Variants in RAB11FIP5 observed in about 807,000 individuals in gnomAD.
The protein encoded by RAB11FIP5 is rab11 family-interacting protein 5.
Under a neutral mutation model 85.1 loss-of-function variants are expected in RAB11FIP5, and 48 were observed. That is an observed-to-expected ratio of 0.56 (90% confidence interval 0.45 to 0.72). The LOEUF is 0.72. Among genes scored for constraint, RAB11FIP5 ranks in the 30% least tolerant of loss-of-function variants. The probability of loss-of-function intolerance (pLI) is 0.00; values close to 1 mark genes in which losing one functional copy is unlikely to be tolerated. For missense variants in RAB11FIP5, 1,491 were observed against 1,687.0 expected (o/e 0.88, Z 2.04); for synonymous variants, 729 against 727.3 (o/e 1.00, Z -0.04).
chr2:73,112,166 G>C (rs901183172), intron 1 of RAB11FIP5, among the ~76,000 whole-genome samples, 181 bp downstream of exon 1: 1 of 152,174 alleles, frequency 6.6e-6, no homozygotes, highest in Non-Finnish European at 1.5e-5. Context: ...CCCACACAGC[G>C]CACGTTTGGG....
In RAB11FIP5 at chr2:73,112,515, G is replaced by C; in HGVS notation, c.263C>G (p.Ala88Gly). The change falls in exon 1 of 6, where the codon GCG becomes GGG. Residue 88 changes from alanine (A) to glycine (G), a missense_variant. Physicochemically the swap from Ala to Gly is moderately conservative, Grantham distance 60 (BLOSUM62 0). This residue lies in a region of RAB11FIP5 where 1,211 missense variants were observed against 1,338.0 expected (regional missense o/e 0.91). Transcript: ENST00000486777. Reference sequence around the variant, plus strand: ...CGCCGGGCCCGCGTCGGCCTCCTGCGCCCGCAGCAGGCCATCCAGGGCCCC... The same window carrying C: ...CGCCGGGCCCGCGTCGGCCTCCTGCCCCCGCAGCAGGCCATCCAGGGCCCC... The part of the protein sequence containing the change: ...PPGALDGLLR[A>G]QEADAGPAPW... 1 of 1,508,396 alleles carries C rather than the reference G, an allele frequency of 6.6e-7. No individual in the cohort carries two copies. The highest frequency in any genetic ancestry group is 1.3e-5 in the South Asian group (1 of 79,410). The allele number at this position is 1,508,396 out of a possible 1,614,324, so 93.4% of individuals were successfully genotyped here. A position where few individuals can be genotyped will look rare whatever the true frequency, so the allele number is the denominator to read the frequency against.
At position 73,109,135 on chromosome 2, in the gene RAB11FIP5, C is replaced by G. The variant is rs143577826; in HGVS notation, c.431+3212G>C. On this transcript the variant is annotated intron_variant, in intron 1 of 5. Coordinates refer to ENST00000486777, the MANE Select transcript of RAB11FIP5 (RefSeq NM_001371272.1). ...GATTTCCAGACCAACAGGAACATGA[C>G]GATCCATGGACAGTTCTACTGAGGG... 2.9e-3 allele frequency among the ~76,000 whole-genome samples: 436 copies of G among 152,292 alleles called. 1 individual carries two copies. Among genetic ancestry groups the G allele is most frequent in the South Asian group, 0.012 (59 of 4,828 alleles).
chr2:73,077,063 C>T (rs1683877410), intron 4 of RAB11FIP5, among the ~76,000 whole-genome samples: 1 of 152,098 alleles, frequency 6.6e-6, no homozygotes, highest in Non-Finnish European at 1.5e-5. Context: ...GCTAGTCTGC[C>T]CTTGGGTTCT....
chr2:73,098,952 G>T (rs1684377058), intron 1 of RAB11FIP5, among the ~76,000 whole-genome samples: 1 of 150,604 alleles, frequency 6.6e-6, no homozygotes, highest in Non-Finnish European at 1.5e-5. Context: ...ACTTTGAATT[G>T]TAAAGTCATT....
At position 73,081,042 on chromosome 2, in the gene RAB11FIP5, C is replaced by G. The variant is rs1683967523; in HGVS notation, c.2190G>C (p.Pro730=). The G allele has an allele frequency of 5.7e-6, 7 of 1,232,600 alleles. No homozygotes were observed. The highest frequency in any genetic ancestry group is 1.6e-5 in the African/African-American group (1 of 64,516). 76.4% of individuals were successfully genotyped at this position (1,232,600 alleles called of 1,614,324 possible). Residue 730 remains proline (P), a synonymous_variant, in exon 4 of 6, where the codon CCG becomes CCC. Transcript: ENST00000486777. This position sits in a 1 kb window ranked among gnomAD's most constrained non-coding sequence, Gnocchi z 4.2. ...LEPRVPLDLG[P]NHQSASAADP... Reference sequence around the variant, plus strand: ...CAGCCGCGCTCGCGCTCTGGTGGTTCGGTCCCAAGTCCAGAGGAACCCTGG... The same window carrying G: ...CAGCCGCGCTCGCGCTCTGGTGGTTGGGTCCCAAGTCCAGAGGAACCCTGG...
Position 73,081,415 on chromosome 2 carries a change from T to C in RAB11FIP5, c.1817A>G (p.Asn606Ser), listed in dbSNP as rs1374825340. The change falls in exon 4 of 6, where the codon AAC becomes AGC. Residue 606 changes from asparagine to serine, a missense_variant. By Grantham distance (46) the Asn-to-Ser change is conservative. Coordinates refer to ENST00000486777, the MANE Select transcript of RAB11FIP5 (RefSeq NM_001371272.1). This position sits in a 1 kb window ranked among gnomAD's most constrained non-coding sequence, Gnocchi z 4.2. ...GGCTATGAGCTCCTCGAAGAAGGGG[T>C]TGCTCTGCAAAGAGGTGAGGAACGG... The part of the protein sequence containing the change: ...TNPFLTSLQS[N>S]PFFEELIADI... 2.6e-5 allele frequency: 32 copies of C among 1,230,962 alleles called. No homozygotes were observed. Among genetic ancestry groups the C allele is most frequent in the Admixed American group, 4.2e-5 (1 of 23,574 alleles). The allele number at this position is 1,230,962 out of a possible 1,614,324, so 76.3% of individuals were successfully genotyped here. A position where few individuals can be genotyped will look rare whatever the true frequency, so the allele number is the denominator to read the frequency against.
chr2:73,082,244 C>T (rs1249863563), intron 3 of RAB11FIP5, among the ~76,000 whole-genome samples: 1 of 152,076 alleles, frequency 6.6e-6, no homozygotes, highest in Non-Finnish European at 1.5e-5. Context: ...CTCCTGGCCT[C>T]GTGATCTGCC....
rs1683804079 is a variant in RAB11FIP5 at position 73,074,287 on chromosome 2, G to A, written c.*1234C>T. ...CCTCCCTCTTCCAGGCAAGCTGACTGGTCTAGTATGGCTAAGTCCTGAGGC... is the reference window on the plus strand; with the variant it reads ...CCTCCCTCTTCCAGGCAAGCTGACTAGTCTAGTATGGCTAAGTCCTGAGGC... On this transcript the variant is annotated 3_prime_UTR_variant, in exon 6 of 6. Transcript: ENST00000486777. 6.6e-6 allele frequency: 1 copy of A among 152,362 alleles called. No individual in the cohort carries two copies. The highest frequency in any genetic ancestry group is 1.5e-5 in the Non-Finnish European group (1 of 68,144). 9.4% of individuals were successfully genotyped at this position (152,362 alleles called of 1,614,324 possible).
chr2:73,102,117 C>A (rs1025977696), intron 1 of RAB11FIP5, among the ~76,000 whole-genome samples: 2 of 151,898 alleles, frequency 1.3e-5, no homozygotes, highest in African/African-American at 4.8e-5. Flanking sequence ...GGGAAAGAGG[C>A]GAGGAGGGGG....
At position 73,088,161 on chromosome 2, in the gene RAB11FIP5, T is replaced by C; in HGVS notation, c.1457A>G (p.Lys486Arg). The C allele has an allele frequency of 6.2e-7, 1 of 1,613,916 alleles. No individual in the cohort carries two copies. ...GGAGGCCCCCAGGATGGGACCCCCC[T>C]TTTCCCCCAGAGAGCTTCGGCGACC... Reference protein sequence around the residue: ...ELGRRSSLGEKGGPILGASPH... With the variant: ...ELGRRSSLGERGGPILGASPH... The change falls in exon 3 of 6, where the codon AAG becomes AGG. Residue 486 changes from lysine to arginine, a missense_variant. Physicochemically the swap from Lys to Arg is conservative, Grantham distance 26. Coordinates refer to ENST00000486777, the MANE Select transcript of RAB11FIP5 (RefSeq NM_001371272.1).
chr2:73,075,649 G>A lies in RAB11FIP5; in HGVS notation c.3847C>T (p.Arg1283Trp), dbSNP rs534699304. Residue 1283 changes from arginine to tryptophan, a missense_variant, in exon 6 of 6, where the codon CGG becomes TGG. Transcript: ENST00000486777. This position sits in a 1 kb window ranked among gnomAD's most constrained non-coding sequence, Gnocchi z 4.6. ...HDELISLLLQ[R>W]ERELSQRDEH... ...TCCCGCTGGCTCAGCTCCCGCTCCC[G>A]CTGCAGGAGCAGGCTGATGAGCTCA... 6 of 1,613,794 alleles carry A rather than the reference G, an allele frequency of 3.7e-6. No individual in the cohort carries two copies. Among genetic ancestry groups the A allele is most frequent in the South Asian group, 1.1e-5 (1 of 91,020 alleles).
chr2:73,081,136 T>G lies in RAB11FIP5; in HGVS notation c.2096A>C (p.Glu699Ala). 8.1e-7 allele frequency: 1 copy of G among 1,233,408 alleles called. No homozygotes were observed. Among genetic ancestry groups the G allele is most frequent in the Non-Finnish European group, 1.0e-6 (1 of 989,092 alleles). 76.4% of individuals were successfully genotyped at this position (1,233,408 alleles called of 1,614,324 possible). ...TCCTCCTCCTCCTCCTCCCCCAGGC[T>G]CTCCCTGGGGCTCAGCTGCCTTCGC... Reference protein sequence around the residue: ...MTAKAAEPQGEPGGGGGGGGG... With the variant: ...MTAKAAEPQGAPGGGGGGGGG... The change falls in exon 4 of 6, where the codon GAG becomes GCG. Residue 699 changes from glutamate to alanine, a missense_variant. Coordinates refer to ENST00000486777, the MANE Select transcript of RAB11FIP5 (RefSeq NM_001371272.1). This position sits in a 1 kb window ranked among gnomAD's most constrained non-coding sequence, Gnocchi z 4.2.
rs758091865 is a variant in RAB11FIP5 at position 73,089,458 on chromosome 2, G to A, written c.432-143C>T. 5.9e-5 allele frequency: 50 copies of A among 845,944 alleles called. No homozygotes were observed. The highest frequency in any genetic ancestry group is 2.0e-4 in the South Asian group (15 of 74,066). The allele number at this position is 845,944 out of a possible 1,614,324, so 52.4% of individuals were successfully genotyped here. On this transcript the variant is annotated intron_variant, in intron 1 of 5. Transcript: ENST00000486777. This position sits in a 1 kb window ranked among gnomAD's most constrained non-coding sequence, Gnocchi z 4.6. ...CCAAAGGCTCCTGCTCTGACCCATCGGCCTGGGCTTCCAGGCTTCAGATGC... is the reference window on the plus strand; with the variant it reads ...CCAAAGGCTCCTGCTCTGACCCATCAGCCTGGGCTTCCAGGCTTCAGATGC...
rs759086982 is a variant in RAB11FIP5 at position 73,081,489 on chromosome 2, G to C, written c.1743C>G (p.Thr581=). The change falls in exon 4 of 6, where the codon ACC becomes ACG. Residue 581 remains threonine (T), a synonymous_variant. Coordinates refer to ENST00000486777, the MANE Select transcript of RAB11FIP5 (RefSeq NM_001371272.1). This position sits in a 1 kb window ranked among gnomAD's most constrained non-coding sequence, Gnocchi z 4.2. ...GTGGGGTGGCTTCAGGGGCGGCGGTGGTGGCGGCAGCGGCAGCAGTGGCAG... is the reference window on the plus strand; with the variant it reads ...GTGGGGTGGCTTCAGGGGCGGCGGTCGTGGCGGCAGCGGCAGCAGTGGCAG... ...PAAATAAAAA[T]TAAPEATPPG... is the part of the protein sequence containing the mutation. 2.3e-5 allele frequency: 28 copies of C among 1,234,842 alleles called. No homozygotes were observed. The highest frequency in any genetic ancestry group is 2.8e-5 in the Non-Finnish European group (28 of 989,828). 76.5% of individuals were successfully genotyped at this position (1,234,842 alleles called of 1,614,324 possible). A position where few individuals can be genotyped will look rare whatever the true frequency, so the allele number is the denominator to read the frequency against.
intron 1 of RAB11FIP5, among the ~76,000 whole-genome samples, chr2:73,110,628 A>ACAGG (rs2106127614): frequency 6.6e-6 from 1 of 152,338 alleles, no homozygotes; most frequent in African/African-American, 2.4e-5. Context: ...ATTCTCCAAG[A>ACAGG]CAGGCTGTTC....
intron 3 of RAB11FIP5, among the ~76,000 whole-genome samples, chr2:73,083,186 C>T (rs1287963875): frequency 2.0e-5 from 3 of 152,228 alleles, no homozygotes; most frequent in Non-Finnish European, 2.9e-5. Flanking sequence ...GTAGGAAGGG[C>T]ACCTGTGGAA....
intron 1 of RAB11FIP5, among the ~76,000 whole-genome samples, chr2:73,095,830 A>C (rs1684307379): frequency 2.0e-5 from 3 of 152,080 alleles, no homozygotes; most frequent in Non-Finnish European, 4.4e-5. Context: ...GCCTGGCTAC[A>C]CATCACAGAC....
chr2:73,082,193 G>A (rs1049070307), intron 3 of RAB11FIP5, among the ~76,000 whole-genome samples: 1 of 151,982 alleles, frequency 6.6e-6, no homozygotes, highest in East Asian at 1.9e-4. Flanking sequence ...GTATTTTTAG[G>A]AGAGATGAGG....
intron 1 of RAB11FIP5, among the ~76,000 whole-genome samples, chr2:73,108,265 G>A (rs1419204465): frequency 1.3e-5 from 2 of 152,178 alleles, no homozygotes; most frequent in African/African-American, 4.8e-5. Context: ...AACCCAAGCT[G>A]AACCCACAGC....
Sources: allele counts gnomAD v4.1 joint callset (sites outside exome capture counted in the v4.1 genomes callset), GRCh38; gene constraint gnomAD v4.1.1; regional missense constraint gnomAD v4.1.1; non-coding constraint Gnocchi (gnomAD v3.1); transcripts MANE v1.5; gene names NCBI Gene and HGNC (gene_info 2026-07-23, HGNC 2026-07-21).